Variants in LRRC59 observed in about 807,000 individuals in gnomAD.
LRRC59 encodes the protein leucine rich repeat containing 59, also known as leucine-rich repeat-containing protein 59.
LRRC59 carries 18 observed loss-of-function variants against 33.5 expected under a neutral mutation model. The ratio of observed to expected loss-of-function variants is 0.54; its 90% CI spans 0.37 to 0.80. The LOEUF is 0.80. LRRC59 is among the 30% of genes least tolerant of loss of function. The probability of loss-of-function intolerance (pLI) is 0.00; values close to 1 mark genes in which losing one functional copy is unlikely to be tolerated. For missense variants in LRRC59, 330 were observed against 391.9 expected, an observed-to-expected ratio of 0.84 and a Z score of 1.33; for synonymous variants, 138 against 160.0, an observed-to-expected ratio of 0.86 and a Z score of 1.04.
At chr17:50,386,901 G>A (rs190416015) in intron 5 of LRRC59, among the ~76,000 whole-genome samples, 110 of 152,316 alleles carry the variant, frequency 7.2e-4, no homozygotes, top group Non-Finnish European at 1.1e-3. Context: ...ACATTCCAGT[G>A]CCTATATCAT....
chr17:50,388,251 GAGTT>G, intron 4 of LRRC59, 119 bp from the exon 5 acceptor site: 1 of 913,572 alleles, frequency 1.1e-6, no homozygotes, highest in Non-Finnish European at 1.7e-6. Flanking sequence ...GAACTAATAA[GAGTT>G]AGGCTGAATG....
chr17:50,392,676 T>C lies in LRRC59; in HGVS notation c.324+63A>G. On this transcript the variant is annotated intron_variant, in intron 3 of 6. Coordinates refer to ENST00000225972, the MANE Select transcript of LRRC59 (RefSeq NM_018509.4). ...TTTCTGTCAGCCTTTCTCAGGGCCG[T>C]GCTCCAGAGTCCCTGAGTTCTCTGC... The C allele has an allele frequency of 1.9e-6, 3 of 1,590,770 alleles. No individual in the cohort carries two copies. The South Asian group carries it at 3.3e-5, about 18-fold the overall frequency.
Position 50,388,061 on chromosome 17 carries a change from A to C in LRRC59, c.501T>G (p.Arg167=). 1 of 1,613,992 alleles carries C rather than the reference A, an allele frequency of 6.2e-7. No homozygotes were observed. The highest frequency in any genetic ancestry group is 8.5e-7 in the Non-Finnish European group (1 of 1,179,968). The stretch of plus-strand genomic sequence containing the variant: ...ACTACAAGAGGGACAGCCACCTACC[A>C]CGTTCTACTTCCAGCCGCCGCTGCC... ...RERQRRLEVE[R]EAEKKREAKQ... The change falls in exon 5 of 7, where the codon CGT becomes CGG. Residue 167 remains arginine (R), a splice_region_variant and synonymous_variant. Transcript: ENST00000225972.
Position 50,392,726 on chromosome 17 carries a change from C to G in LRRC59, c.324+13G>C, listed in dbSNP as rs1041863931. ...CCACCCTGGCCATGAAACACTGGTT[C>G]ATGAATTGTTACCTTGAGCTGAGCA... On this transcript the variant is annotated intron_variant, in intron 3 of 6. Transcript: ENST00000225972. The G allele has an allele frequency of 6.2e-7, 1 of 1,612,794 alleles. No individual in the cohort carries two copies. Among genetic ancestry groups the G allele is most frequent in the South Asian group, 1.1e-5 (1 of 91,042 alleles).
rs993094183 is a variant in LRRC59 at position 50,385,280 on chromosome 17, T to G, written c.514A>C (p.Lys172Gln). Residue 172 changes from lysine to glutamine, a missense_variant, in exon 6 of 7, where the codon AAG (lysine) becomes CAG (glutamine). Coordinates refer to ENST00000225972, the MANE Select transcript of LRRC59 (RefSeq NM_018509.4). ...TTAGCTCGCTGCTTAGCCTCACGCT[T>G]CTTCTCTGCCTCTACAACAAAACAT... ...RLEVEREAEK[K>Q]REAKQRAKEA... The G allele has an allele frequency of 4.3e-6, 7 of 1,613,576 alleles. No individual in the cohort carries two copies. The highest frequency in any genetic ancestry group is 2.7e-5 in the African/African-American group (2 of 74,900).
At chr17:50,386,314 A>G (rs1914002016) in intron 5 of LRRC59, 1 of 152,236 alleles carries the variant, frequency 6.6e-6, no homozygotes, top group African/African-American at 2.4e-5. Flanking sequence ...ACAGGAACAC[A>G]TTCAGATTTA....
intron 5 of LRRC59, among the ~76,000 whole-genome samples, chr17:50,385,932 C>T (rs950733320): frequency 6.6e-6 from 1 of 152,166 alleles, no homozygotes; most frequent in Non-Finnish European, 1.5e-5. Context: ...TGGCGCATGC[C>T]TGTAGTCCCA....
chr17:50,383,479 A>G (rs993714460), intron 6 of LRRC59, among the ~76,000 whole-genome samples: 3 of 152,158 alleles, frequency 2.0e-5, no homozygotes, highest in Admixed American at 6.5e-5. Context: ...CACAGCCCTC[A>G]GGGTCCTAAG....
intron 1 of LRRC59, among the ~76,000 whole-genome samples, chr17:50,395,536 T>C (rs1404344389): frequency 6.6e-6 from 1 of 152,212 alleles, no homozygotes; most frequent in Non-Finnish European, 1.5e-5. Context: ...GTTCAGGCCC[T>C]TCCTCAGAAC....
intron 6 of LRRC59, among the ~76,000 whole-genome samples, chr17:50,384,372 G>A (rs1913949073): frequency 6.6e-6 from 1 of 151,994 alleles, no homozygotes; most frequent in African/African-American, 2.4e-5. Flanking sequence ...TGCTCAGGCT[G>A]GTCTCAAACT....
intron 4 of LRRC59, among the ~76,000 whole-genome samples, chr17:50,388,429 T>C (rs545468279): frequency 6.6e-6 from 1 of 152,134 alleles, no homozygotes; most frequent in Non-Finnish European, 1.5e-5. Context: ...TAGTCTCAGC[T>C]ACTTAGGAGG....
chr17:50,386,151 CT>C (rs1913997912), intron 5 of LRRC59: 4 of 150,556 alleles, frequency 2.7e-5, no homozygotes, highest in African/African-American at 9.8e-5. Flanking sequence ...TTTTTTAAGG[CT>C]AGTCAAGTGA....
rs1055708037 is a variant in LRRC59 at position 50,382,284 on chromosome 17, C to G, written c.*704G>C. On this transcript the variant is annotated 3_prime_UTR_variant, in exon 7 of 7. Transcript: ENST00000225972. Reference sequence around the variant, plus strand: ...GATTCTGGTGTGAGTTCTGGTCTCTCAGGACATTATAAAGGAGGGAAAATG... The same window carrying G: ...GATTCTGGTGTGAGTTCTGGTCTCTGAGGACATTATAAAGGAGGGAAAATG... 5 of 152,268 alleles carry G rather than the reference C, an allele frequency of 3.3e-5. No individual in the cohort carries two copies. The highest frequency in any genetic ancestry group is 1.3e-4 in the Admixed American group (2 of 15,276). 9.4% of individuals were successfully genotyped at this position (152,268 alleles called of 1,614,324 possible).
chr17:50,397,156 C>T, intron 1 of LRRC59, 57 bp downstream of exon 1: 1 of 1,308,272 alleles, frequency 7.6e-7, no homozygotes, highest in Non-Finnish European at 1.0e-6. Flanking sequence ...AAGTGGCCCA[C>T]GTAGGGGCCA....
At chr17:50,390,176 G>C (rs141497945) in intron 4 of LRRC59, among the ~76,000 whole-genome samples, 1 of 152,008 alleles carries the variant, frequency 6.6e-6, no homozygotes, top group Non-Finnish European at 1.5e-5. Context: ...TCAGGCAGTA[G>C]AGAAGTTATG....
intron 4 of LRRC59, among the ~76,000 whole-genome samples, chr17:50,391,609 C>T (rs1914146243): frequency 6.6e-6 from 1 of 152,190 alleles, no homozygotes; most frequent in Non-Finnish European, 1.5e-5. Flanking sequence ...AGGCTACTGA[C>T]CACAGACAAT....
chr17:50,390,552 T>A (rs1215268892), intron 4 of LRRC59, among the ~76,000 whole-genome samples: 1 of 152,170 alleles, frequency 6.6e-6, no homozygotes, highest in Non-Finnish European at 1.5e-5. Context: ...CAGATTGTCA[T>A]AGTCTGGAGT....
chr17:50,385,448 G>C (rs1481894211), intron 5 of LRRC59, among the ~76,000 whole-genome samples, 157 bp from the exon 6 acceptor site: 4 of 152,148 alleles, frequency 2.6e-5, no homozygotes, highest in Non-Finnish European at 4.4e-5. Flanking sequence ...TCTGCTCCTG[G>C]AAGTAGCCCT....
intron 1 of LRRC59, chr17:50,396,846 A>C: frequency 3.1e-6 from 1 of 321,246 alleles, no homozygotes; most frequent in Non-Finnish European, 5.6e-6. Context: ...CTCCCCTGGA[A>C]CAAGTCACTC....
Sources: allele counts gnomAD v4.1 joint callset (sites outside exome capture counted in the v4.1 genomes callset), GRCh38; gene constraint gnomAD v4.1.1; transcripts MANE v1.5; gene names NCBI Gene and HGNC (gene_info 2026-07-23, HGNC 2026-07-21).